Variants in EMX2 observed in about 807,000 individuals in gnomAD.
The protein encoded by EMX2 is empty spiracles homeobox 2.
A neutral mutation model predicts 23.0 loss-of-function variants in EMX2; 6 were observed. That is an observed-to-expected ratio of 0.26 (90% CI 0.14 to 0.52). The LOEUF is 0.52. Among genes scored for constraint, EMX2 ranks in the 20% least tolerant of loss-of-function variants. The pLI, the probability that EMX2 is intolerant of heterozygous loss-of-function variation, is 0.97. For missense variants in EMX2, 302 were observed against 341.4 expected, an observed-to-expected ratio of 0.88 and a Z score of 0.91; for synonymous variants, 175 against 153.3, an observed-to-expected ratio of 1.14 and a Z score of -1.04.
chr10:117,546,919 C>T (rs1846586854), intron 2 of EMX2, among the ~76,000 whole-genome samples: 1 of 152,244 alleles, frequency 6.6e-6, no homozygotes, highest in African/African-American at 2.4e-5. Flanking sequence ...CGGCCTGCGG[C>T]CTCAAAGGAG....
chr10:117,543,868 G>A (rs1846535373), intron 1 of EMX2, among the ~76,000 whole-genome samples, 195 bp downstream of exon 1: 1 of 152,228 alleles, frequency 6.6e-6, no homozygotes, highest in African/African-American at 2.4e-5. Context: ...GCTACGACTG[G>A]TTTGGAGTGA....
At chr10:117,544,107 G>A (rs529773090) in intron 1 of EMX2, among the ~76,000 whole-genome samples, 7 of 152,364 alleles carry the variant, frequency 4.6e-5, no homozygotes, top group Non-Finnish European at 1.0e-4. Context: ...GTTCGACCCT[G>A]TTCACCACCC....
At position 117,543,658 on chromosome 10, in the gene EMX2, G is replaced by T. The variant is rs1220020690; in HGVS notation, c.391G>T (p.Gly131Cys). The T allele has an allele frequency of 6.2e-7, 1 of 1,613,560 alleles. No homozygotes were observed. The highest frequency in any genetic ancestry group is 1.1e-5 in the South Asian group (1 of 91,088). The change falls in exon 1 of 3, where the codon GGT becomes TGT. Residue 131 changes from glycine (G) to cysteine (C), a missense_variant. Transcript: ENST00000553456. ...PWLIHRYRYL[G>C]HRFQGNDTSP... ...GCTCATCCACCGCTACCGATATCTG[G>T]GTCATCGCTTCCAAGGTACGTGCCA...
chr10:117,545,572 A>G lies in EMX2; in HGVS notation c.407-60A>G. ...TGCCGGGCCAGCCCGGCTCGGGAGAAGTGCGCGGCTCCGGTCAGAGCAGCC... is the reference window on the plus strand; with the variant it reads ...TGCCGGGCCAGCCCGGCTCGGGAGAGGTGCGCGGCTCCGGTCAGAGCAGCC... On this transcript the variant is annotated intron_variant, in intron 1 of 2. Coordinates refer to ENST00000553456, the MANE Select transcript of EMX2 (RefSeq NM_004098.4). 1.9e-6 allele frequency: 3 copies of G among 1,603,502 alleles called. No individual in the cohort carries two copies. The Admixed American group carries it at 5.0e-5, about 27-fold the overall frequency.
At chr10:117,543,740 T>C (rs1365780255) in intron 1 of EMX2, 67 bp downstream of exon 1, 2 of 1,610,612 alleles carry the variant, frequency 1.2e-6, no homozygotes, top group Non-Finnish European at 8.5e-7. Flanking sequence ...CCCGGCCTGC[T>C]CCGGGTGGGC....
At chr10:117,544,662 C>G (rs1007985984) in intron 1 of EMX2, 1 of 152,152 alleles carries the variant, frequency 6.6e-6, no homozygotes, top group African/African-American at 2.4e-5. Context: ...CACCCCCCTC[C>G]CCATATTTTA....
intron 1 of EMX2, chr10:117,545,229 A>AG (rs1846558878): frequency 5.8e-6 from 1 of 172,702 alleles, no homozygotes. Context: ...GTTCCCCGAG[A>AG]GGTTAGAAAG....
chr10:117,543,440 C>A lies in EMX2; in HGVS notation c.173C>A (p.Ala58Asp), dbSNP rs549784838. The A allele has an allele frequency of 3.2e-5, 52 of 1,605,062 alleles. No individual in the cohort carries two copies. In the East Asian group the frequency reaches 1.1e-3, roughly 33 times the overall value. Residue 58 changes from alanine (A) to aspartate (D), a missense_variant, in exon 1 of 3, where the codon GCC (alanine) becomes GAC (aspartate). Physicochemically the swap from Ala to Asp is moderately radical, Grantham distance 126. Transcript: ENST00000553456. ...LNGFHSAAAA[A>D]AGRGVYSNPD... The stretch of plus-strand genomic sequence containing the variant: ...GGCTTCCACTCGGCCGCCGCCGCCG[C>A]CGCCGGTAGGGGCGTCTACTCCAAC...
At chr10:117,545,487 G>A (rs964818294) in intron 1 of EMX2, 145 bp from the exon 2 acceptor site, 5 of 1,004,944 alleles carry the variant, frequency 5.0e-6, no homozygotes, top group South Asian at 1.7e-5. Flanking sequence ...GTGAGCCCTT[G>A]GGAGGACCAC....
intron 1 of EMX2, chr10:117,544,545 T>G (rs385209): frequency 2.7e-4 from 41 of 152,128 alleles, no homozygotes; most frequent in African/African-American, 8.9e-4. Flanking sequence ...GTTTACGGAT[T>G]GGAGTCAGTA....
Position 117,548,695 on chromosome 10 carries a change from C to G in EMX2, c.*463C>G. The stretch of plus-strand genomic sequence containing the variant: ...TAAAAAATGATGATGATGATAAAAA[C>G]CACGACCCAACCAGGCACAGGACTT... On this transcript the variant is annotated 3_prime_UTR_variant, in exon 3 of 3. Transcript: ENST00000553456. The G allele has an allele frequency of 2.4e-6, 1 of 415,156 alleles. No homozygotes were observed. Among genetic ancestry groups the G allele is most frequent in the Non-Finnish European group, 4.2e-6 (1 of 235,476 alleles). The allele number at this position is 415,156 out of a possible 1,614,324, so 25.7% of individuals were successfully genotyped here.
chr10:117,545,937 T>G (rs1464952629), intron 2 of EMX2, 121 bp downstream of exon 2: 12 of 1,384,700 alleles, frequency 8.7e-6, no homozygotes, highest in Non-Finnish European at 1.2e-5. Context: ...TCCTGGTAGC[T>G]GGTTCCACGC....
intron 1 of EMX2, 67 bp from the exon 2 acceptor site, chr10:117,545,565 C>T (rs919859568): frequency 1.3e-6 from 2 of 1,598,686 alleles, no homozygotes; most frequent in African/African-American, 1.3e-5. Context: ...CAGCCCGGCT[C>T]GGGAGAAGTG....
At chr10:117,546,659 T>C (rs2532656) in intron 2 of EMX2, among the ~76,000 whole-genome samples, 28 of 152,370 alleles carry the variant, frequency 1.8e-4, no homozygotes, top group African/African-American at 6.3e-4. Context: ...GCGGCCCGGC[T>C]GATTTCTCCT....
At chr10:117,547,990 G>C in intron 2 of EMX2, 75 bp from the exon 3 acceptor site, 1 of 1,543,042 alleles carries the variant, frequency 6.5e-7, no homozygotes, top group Non-Finnish European at 8.7e-7. Flanking sequence ...AGTCTGGGCT[G>C]GGTGAAAGGA....
Position 117,543,595 on chromosome 10 carries a change from G to A in EMX2, c.328G>A (p.Ala110Thr). 6.2e-7 allele frequency: 1 copy of A among 1,611,566 alleles called. No individual in the cohort carries two copies. The highest frequency in any genetic ancestry group is 8.5e-7 in the Non-Finnish European group (1 of 1,179,494). ...PSSHSPHPLF[A>T]SQQRDPSTFY... ...CTCGCACTCGCCACACCCCCTATTC[G>A]CCTCGCAGCAGCGGGATCCGTCCAC... Residue 110 changes from alanine (A) to threonine (T), a missense_variant, in exon 1 of 3, where the codon GCC becomes ACC. Ala to Thr is a moderately conservative substitution (Grantham distance 58). Around this residue, in one of 4 missense-constraint regions of EMX2, gnomAD observed 221 missense variants for 206.8 expected, o/e 1.07. Coordinates refer to ENST00000553456, the MANE Select transcript of EMX2 (RefSeq NM_004098.4).
chr10:117,543,259 C>G lies in EMX2; in HGVS notation c.-9C>G. On this transcript the variant is annotated 5_prime_UTR_variant, in exon 1 of 3. Coordinates refer to ENST00000553456, the MANE Select transcript of EMX2 (RefSeq NM_004098.4). ...CTGGGAGCCCAGGGCGCCCGCTCCTCGGCGCAGCATGTTCCAGCCGGCGCC... is the reference window on the plus strand; with the variant it reads ...CTGGGAGCCCAGGGCGCCCGCTCCTGGGCGCAGCATGTTCCAGCCGGCGCC... The G allele has an allele frequency of 1.3e-6, 2 of 1,539,046 alleles. No homozygotes were observed. The highest frequency in any genetic ancestry group is 1.2e-5 in the South Asian group (1 of 83,106).
At position 117,543,164 on chromosome 10, in the gene EMX2, G is replaced by A; in HGVS notation, c.-104G>A. 4.7e-6 allele frequency: 1 copy of A among 214,406 alleles called. No homozygotes were observed. The highest frequency in any genetic ancestry group is 6.5e-6 in the Non-Finnish European group (1 of 152,788). The allele number at this position is 214,406 out of a possible 1,614,324, so 13.3% of individuals were successfully genotyped here. On this transcript the variant is annotated 5_prime_UTR_variant, in exon 1 of 3. Transcript: ENST00000553456. ...CCCCACCCCCACCCCAAACAAACGA[G>A]TCCCCAATTCTCGTCCGTCCTCGCC... is the stretch of plus-strand genomic sequence containing the variant.
intron 2 of EMX2, among the ~76,000 whole-genome samples, chr10:117,547,770 C>G (rs1846600208): frequency 2.0e-5 from 3 of 152,228 alleles, no homozygotes; most frequent in Admixed American, 2.0e-4. Flanking sequence ...GATATAGATG[C>G]CCTCTGCAGG....
Sources: allele counts gnomAD v4.1 joint callset (sites outside exome capture counted in the v4.1 genomes callset), GRCh38; gene constraint gnomAD v4.1.1; regional missense constraint gnomAD v4.1.1; transcripts MANE v1.5; gene names NCBI Gene and HGNC (gene_info 2026-07-23, HGNC 2026-07-21).